Variants in ART3 observed in about 807,000 individuals in gnomAD.
ART3 encodes the protein ADP-ribosyltransferase 3 (inactive), also known as ecto-ADP-ribosyltransferase 3.
In ART3, 49 loss-of-function variants were observed where a neutral mutation model predicts 48.5. The observed-to-expected ratio is 1.01, with a 90% CI of 0.80 to 1.28. ART3 has a LOEUF of 1.28. Ranked by LOEUF, ART3 falls within the 50% of genes most tolerant of loss-of-function variation. The pLI is 0.00. For missense variants in ART3, 438 were observed against 454.3 expected, an observed-to-expected ratio of 0.96 and a Z score of 0.33; for synonymous variants, 145 against 157.2, an observed-to-expected ratio of 0.92 and a Z score of 0.58.
At chr4:76,035,306 A>G (rs765371990) in intron 1 of ART3, 8 of 1,614,036 alleles carry the variant, frequency 5.0e-6, no homozygotes, top group East Asian at 2.2e-5. Context: ...CCCAGGGCCT[A>G]TGCAAAGACA....
Position 76,082,139 on chromosome 4 carries a change from T to G in ART3, c.385T>G (p.Tyr129Asp), listed in dbSNP as rs1184920395. The G allele has an allele frequency of 6.2e-7, 1 of 1,614,090 alleles. No homozygotes were observed. The highest frequency in any genetic ancestry group is 1.7e-5 in the Admixed American group (1 of 60,000). ...VKMAGQSRED[Y>D]IYGFQFKAFH... ...GATGGCTGGCCAATCTCGAGAAGAT[T>G]ATATCTATGGCTTCCAGTTCAAAGC... The change falls in exon 3 of 12, where the codon TAT becomes GAT. Residue 129 changes from tyrosine to aspartate, a missense_variant. Coordinates refer to ENST00000355810, the MANE Select transcript of ART3 (RefSeq NM_001130016.3).
At chr4:76,042,284 A>G (rs759129882) in intron 1 of ART3, among the ~76,000 whole-genome samples, 7 of 152,240 alleles carry the variant, frequency 4.6e-5, no homozygotes, top group Admixed American at 2.0e-4. Flanking sequence ...TGAATAATAT[A>G]TTGCCTGACA....
intron 1 of ART3, among the ~76,000 whole-genome samples, chr4:76,038,022 T>G (rs1304990889): frequency 1.3e-5 from 2 of 152,206 alleles, no homozygotes; most frequent in Non-Finnish European, 2.9e-5. Context: ...TTTGAAAGTC[T>G]TTACAGTAGT....
rs1734456277 is a variant in ART3, at chr4:76,036,782, C to T, written c.-10+25462C>T. ...TTCTTGGCAGCTGCTTTCCTCATGG[C>T]AGCCAGGACGTTGCTCAGCTCCTCC... On this transcript the variant is annotated intron_variant, in intron 1 of 9. Coordinates refer to the ART3 transcript ENST00000341029. 1.2e-5 allele frequency: 3 copies of T among 251,118 alleles called. No individual in the cohort carries two copies. The Admixed American group carries it at 1.2e-4, about 10-fold the overall frequency. The allele number at this position is 251,118 out of a possible 1,614,324, so 15.6% of individuals were successfully genotyped here. A position where few individuals can be genotyped will look rare whatever the true frequency, so the allele number is the denominator to read the frequency against.
intron 1 of ART3, among the ~76,000 whole-genome samples, chr4:76,044,671 TTGTCTC>T (rs1735323387): frequency 6.6e-6 from 1 of 152,088 alleles, no homozygotes; most frequent in Non-Finnish European, 1.5e-5. Flanking sequence ...CTCCTTTTCT[TTGTCTC>T]TGTTTCTGAC....
rs111983678 is a variant in ART3 at position 76,109,733 on chromosome 4, C to G, written c.1036+1940C>G. On this transcript the variant is annotated intron_variant, in intron 11 of 11. Coordinates refer to ENST00000355810, the MANE Select transcript of ART3 (RefSeq NM_001130016.3). ...TTATAATTATAGTCTTATGGGATCT[C>G]TGTCATACATGTGGTCTGTCATTGA... Among the ~76,000 whole-genome samples, 577 of 152,246 alleles carry G rather than the reference C, an allele frequency of 3.8e-3. 5 individuals are homozygous for G. Among genetic ancestry groups the G allele is most frequent in the African/African-American group, 0.013 (548 of 41,538 alleles).
rs561897518 is a variant in ART3 at position 76,067,433 on chromosome 4, G to T, written c.-9-8448G>T. Among the ~76,000 whole-genome samples, 5 of 143,750 alleles carry T rather than the reference G, an allele frequency of 3.5e-5. No individual in the cohort carries two copies. The East Asian group carries it at 1.0e-3, about 30-fold the overall frequency. The allele number at this position is 143,750 out of a possible 152,430, so 94.3% of individuals were successfully genotyped here. A position where few individuals can be genotyped will look rare whatever the true frequency, so the allele number is the denominator to read the frequency against. ...AGAATGCCCAATGCCAGGAGGCTAC[G>T]ATGGGGGAATTTAGCAAACATTTTC... On this transcript the variant is annotated intron_variant, in intron 1 of 9. Coordinates refer to the ART3 transcript ENST00000341029.
chr4:76,013,558 A>G (rs1176553001), intron 1 of ART3, among the ~76,000 whole-genome samples: 3 of 152,156 alleles, frequency 2.0e-5, no homozygotes, highest in African/African-American at 7.2e-5. Context: ...TCATATTTCT[A>G]GCCTCTTCAT....
intron 3 of ART3, among the ~76,000 whole-genome samples, chr4:76,093,914 C>G (rs1728422897): frequency 6.6e-6 from 1 of 152,168 alleles, no homozygotes; most frequent in African/African-American, 2.4e-5. Flanking sequence ...TGTTGAAGCC[C>G]TAATCCTCAC....
At chr4:76,053,191 T>A (rs906969658) in intron 1 of ART3, among the ~76,000 whole-genome samples, 2 of 152,240 alleles carry the variant, frequency 1.3e-5, no homozygotes, top group African/African-American at 2.4e-5. Context: ...CTGTTCATGC[T>A]GATCACGTAC....
intron 1 of ART3, chr4:76,075,300 G>C (rs1335746419): frequency 1.3e-5 from 2 of 152,240 alleles, no homozygotes; most frequent in East Asian, 3.9e-4. Flanking sequence ...TTTTACCCTC[G>C]GGCTTCTCTT....
chr4:76,100,672 G>A, intron 6 of ART3, 123 bp from the exon 7 acceptor site: 3 of 1,058,924 alleles, frequency 2.8e-6, no homozygotes, highest in African/African-American at 1.6e-5. Context: ...CATTTTGCAA[G>A]ATACCTCCCT....
At chr4:76,090,507 G>A (rs961751696) in intron 3 of ART3, among the ~76,000 whole-genome samples, 3 of 152,140 alleles carry the variant, frequency 2.0e-5, no homozygotes, top group African/African-American at 7.2e-5. Flanking sequence ...AATTTCTTTG[G>A]ATCTGAAAGA....
intron 1 of ART3, among the ~76,000 whole-genome samples, chr4:76,028,708 C>T (rs1466184164): frequency 6.6e-6 from 1 of 152,188 alleles, no homozygotes; most frequent in Non-Finnish European, 1.5e-5. Context: ...TCCCCGAGCT[C>T]ACAGTGTTTG....
intron 2 of ART3, among the ~76,000 whole-genome samples, chr4:76,079,250 G>C (rs944743770): frequency 6.6e-6 from 1 of 151,594 alleles, no homozygotes; most frequent in Non-Finnish European, 1.5e-5. Context: ...CTTAGTGCCT[G>C]GCATATAGAA....
upstream of ART3, among the ~76,000 whole-genome samples, chr4:76,074,109 A>G (rs1419206802): frequency 6.6e-6 from 1 of 152,184 alleles, no homozygotes; most frequent in Admixed American, 6.5e-5. Flanking sequence ...TATATTTACC[A>G]TGTATGCGTT....
At chr4:76,034,264 A>G (rs1455009029) in intron 1 of ART3, 1 of 395,880 alleles carries the variant, frequency 2.5e-6, no homozygotes, top group African/African-American at 2.1e-5. Context: ...TTTACGACAC[A>G]TAGATGCTTT....
intron 1 of ART3, among the ~76,000 whole-genome samples, chr4:76,037,236 T>A (rs1177882065): frequency 9.7e-6 from 1 of 103,154 alleles, no homozygotes; most frequent in Non-Finnish European, 1.9e-5. Flanking sequence ...GTAATTCCTA[T>A]TTTTTTGTCT....
intron 3 of ART3, among the ~76,000 whole-genome samples, chr4:76,086,246 AG>A (rs923538126): frequency 2.6e-5 from 4 of 152,154 alleles, no homozygotes; most frequent in Non-Finnish European, 5.9e-5. Flanking sequence ...CCAGCAGACA[AG>A]GGGGTAAGGA....
Sources: gnomAD v4.1 joint callset for allele counts (sites outside exome capture counted in the v4.1 genomes callset) on GRCh38, gnomAD v4.1.1 for gene constraint, MANE v1.5 for transcripts, NCBI Gene and HGNC (gene_info 2026-07-23, HGNC 2026-07-21) for gene names.